Variants in CHL1 observed in about 807,000 individuals in gnomAD.
The protein encoded by CHL1 is cell adhesion molecule L1 like, also known as neural cell adhesion molecule L1-like protein.
Under a neutral mutation model 141.9 loss-of-function variants are expected in CHL1, and 96 were observed. The ratio of observed to expected loss-of-function variants is 0.68; its 90% confidence interval spans 0.57 to 0.80. The LOEUF is 0.80. CHL1 is among the 30% of genes least tolerant of loss of function. The pLI is 0.00. For missense variants in CHL1, 1,820 were observed against 1,457.2 expected (o/e 1.25, Z -4.05); for synonymous variants, 613 against 502.2 (o/e 1.22, Z -2.95).
intron 15 of CHL1, among the ~76,000 whole-genome samples, chr3:372,802 G>T (rs1198628586): frequency 2.7e-5 from 4 of 150,924 alleles, no homozygotes; most frequent in Admixed American, 6.6e-5. Context: ...TGTTGATGCT[G>T]TTGTTGTTGC....
At chr3:268,254 C>G (rs527318358) in intron 2 of CHL1, among the ~76,000 whole-genome samples, 1 of 152,092 alleles carries the variant, frequency 6.6e-6, no homozygotes, top group Non-Finnish European at 1.5e-5. Flanking sequence ...GATGACTAGG[C>G]CAGGCACAGT....
chr3:261,571 A>G (rs1263059582), intron 2 of CHL1, among the ~76,000 whole-genome samples: 2 of 152,142 alleles, frequency 1.3e-5, no homozygotes, highest in Non-Finnish European at 2.9e-5. Context: ...CTAAGATCTT[A>G]CTTGTAAAAT....
chr3:392,191 T>C (rs1262327020), intron 23 of CHL1, among the ~76,000 whole-genome samples: 1 of 152,198 alleles, frequency 6.6e-6, no homozygotes, highest in African/African-American at 2.4e-5. Context: ...AAACACGTGT[T>C]TAATGTTTAT....
chr3:349,665 G>T, intron 10 of CHL1, 122 bp downstream of exon 10: 1 of 802,906 alleles, frequency 1.2e-6, no homozygotes, highest in Non-Finnish European at 2.0e-6. Context: ...TTTAATTGTA[G>T]TGCGGGCATT....
At chr3:257,442 C>T (rs1471768916) in intron 2 of CHL1, among the ~76,000 whole-genome samples, 3 of 151,710 alleles carry the variant, frequency 2.0e-5, no homozygotes, top group Non-Finnish European at 4.4e-5. Flanking sequence ...CAACCTCCGC[C>T]TCCCGGGTTC....
intron 2 of CHL1, among the ~76,000 whole-genome samples, chr3:270,350 G>A (rs1695532113): frequency 6.6e-6 from 1 of 152,160 alleles, no homozygotes; most frequent in Non-Finnish European, 1.5e-5. Context: ...GGCTTCACAT[G>A]TTATTTTTCC....
At chr3:356,299 G>C (rs755344302) in intron 11 of CHL1, among the ~76,000 whole-genome samples, 1 of 152,206 alleles carries the variant, frequency 6.6e-6, no homozygotes, top group Non-Finnish European at 1.5e-5. Context: ...ATTATATTTG[G>C]ATGGTATTTG....
At chr3:286,225 G>A (rs1203580859) in intron 2 of CHL1, among the ~76,000 whole-genome samples, 1 of 152,068 alleles carries the variant, frequency 6.6e-6, no homozygotes, top group Non-Finnish European at 1.5e-5. Flanking sequence ...TATTCGCAGG[G>A]GGTCCTGATC....
At chr3:288,912 C>T (rs1209193203) in intron 2 of CHL1, among the ~76,000 whole-genome samples, 2 of 152,158 alleles carry the variant, frequency 1.3e-5, no homozygotes, top group Non-Finnish European at 2.9e-5. Flanking sequence ...TAGATGAAGA[C>T]TTTATCATTT....
At chr3:209,517 T>C (rs1237936601) in intron 1 of CHL1, among the ~76,000 whole-genome samples, 1 of 152,220 alleles carries the variant, frequency 6.6e-6, no homozygotes, top group Non-Finnish European at 1.5e-5. Context: ...CCTAGTGGTC[T>C]AGTTGTTCAA....
At chr3:400,900 CTT>C (rs71058770) in intron 26 of CHL1, among the ~76,000 whole-genome samples, 1,415 of 112,440 alleles carry the variant, frequency 0.013, 10 homozygotes, top group Middle Eastern at 0.038. Flanking sequence ...AAATGACTGC[CTT>C]TTTTTTTTTT....
intron 1 of CHL1, chr3:213,506 A>G (rs1356572837): frequency 6.6e-6 from 1 of 152,212 alleles, no homozygotes. Context: ...CACTGAATAT[A>G]TGCCCATAAA....
intron 2 of CHL1, among the ~76,000 whole-genome samples, chr3:280,364 G>A (rs1184492895): frequency 6.6e-6 from 1 of 152,060 alleles, no homozygotes; most frequent in Non-Finnish European, 1.5e-5. Flanking sequence ...TTGAACATCA[G>A]TCTTCTTACT....
At position 408,323 on chromosome 3, in the gene CHL1, G is replaced by C. The variant is rs1201237777; in HGVS notation, c.*2612G>C. ...TGTAATTGATTGTATATAGTCTCAA[G>C]AATGGTTGGTGGGCATGAGTTCCTA... On this transcript the variant is annotated 3_prime_UTR_variant, in exon 28 of 28. Coordinates refer to ENST00000256509, the MANE Select transcript of CHL1 (RefSeq NM_006614.4). The C allele has an allele frequency of 2.0e-5, 3 of 152,074 alleles. No individual in the cohort carries two copies. Among genetic ancestry groups the C allele is most frequent in the African/African-American group, 7.2e-5 (3 of 41,412 alleles). The allele number at this position is 152,074 out of a possible 1,614,324, so 9.4% of individuals were successfully genotyped here.
At chr3:375,454 A>G (rs1191582792) in intron 15 of CHL1, among the ~76,000 whole-genome samples, 1 of 151,916 alleles carries the variant, frequency 6.6e-6, no homozygotes, top group Non-Finnish European at 1.5e-5. Context: ...AATAGTGGCA[A>G]ATTAATGAGG....
intron 3 of CHL1, among the ~76,000 whole-genome samples, chr3:325,519 G>A (rs61200442): frequency 0.015 from 2,345 of 152,028 alleles, 53 homozygotes; most frequent in African/African-American, 0.052. Context: ...GCATATCAGT[G>A]GGAAGAAATA....
At chr3:228,829 T>G (rs1017325598) in intron 1 of CHL1, among the ~76,000 whole-genome samples, 1 of 152,180 alleles carries the variant, frequency 6.6e-6, no homozygotes, top group Admixed American at 6.5e-5. Context: ...TGTCTTCTGG[T>G]TCCTAATGGT....
At chr3:346,506 C>G (rs758882945) in intron 9 of CHL1, among the ~76,000 whole-genome samples, 1 of 152,146 alleles carries the variant, frequency 6.6e-6, no homozygotes, top group Non-Finnish European at 1.5e-5. Flanking sequence ...CCTTCACTGA[C>G]CTCTTGGATT....
chr3:289,153 G>A (rs1697436336), intron 2 of CHL1, among the ~76,000 whole-genome samples: 1 of 151,984 alleles, frequency 6.6e-6, no homozygotes, highest in African/African-American at 2.4e-5. Context: ...CTCCTTTAAT[G>A]TAACAACTGT....
Sources: allele counts gnomAD v4.1 joint callset (sites outside exome capture counted in the v4.1 genomes callset), GRCh38; gene constraint gnomAD v4.1.1; transcripts MANE v1.5; gene names NCBI Gene and HGNC (gene_info 2026-07-23, HGNC 2026-07-21).